The following LYPD8 variants were observed in gnomAD, a reference collection of about 807,000 sequenced individuals.
LYPD8 encodes LY6/PLAUR domain containing 8, also known as ly6/PLAUR domain-containing protein 8.
Under a neutral mutation model 1.7 loss-of-function variants are expected in LYPD8, and 8 were observed. The ratio of observed to expected loss-of-function variants is 4.58; its 90% CI spans 2.69 to 8.27. LYPD8 has a LOEUF of 8.27. Among genes scored for constraint, LYPD8 ranks in the 30% most tolerant of loss-of-function variants. The pLI is 0.00. For synonymous variants in LYPD8, 50 were observed against 43.6 expected, an observed-to-expected ratio of 1.15 and a Z score of -0.58; for missense variants, 112 against 102.3, an observed-to-expected ratio of 1.09 and a Z score of -0.41.
chr1:248,751,222 T>G (rs907334957), intron 2 of LYPD8, 92 bp from the exon 3 acceptor site: 2 of 395,932 alleles, frequency 5.1e-6, no homozygotes. Context: ...AGCCCAGTAC[T>G]CAGTCCATCC....
In LYPD8 at chr1:248,748,334, G is replaced by A. The variant is rs1228332869; in HGVS notation, c.292C>T (p.Gln98Ter). 6 of 467,604 alleles carry A rather than the reference G, an allele frequency of 1.3e-5. No homozygotes were observed. The highest frequency in any genetic ancestry group is 2.2e-5 in the Non-Finnish European group (6 of 268,090). The allele number at this position is 467,604 out of a possible 1,614,324, so 29.0% of individuals were successfully genotyped here. A position where few individuals can be genotyped will look rare whatever the true frequency, so the allele number is the denominator to read the frequency against. Residue 98 changes from glutamine (Q) to a stop codon, truncating the protein, a stop_gained, in exon 5 of 7, where the codon CAG becomes TAG. Coordinates refer to ENST00000590317, the MANE Select transcript of LYPD8 (RefSeq NM_001085474.2). LOFTEE classifies it high-confidence loss of function. ...CTGCATTCCTTTCCTTGGCAGCACT[G>A]GCTTACAAAATGAAAGTGTTCTTCA... ...SAEEHFHFVS[Q>*]CCQGKECSNT... is the part of the protein sequence containing the mutation.
At chr1:248,743,192 C>T (rs1433004043) in intron 6 of LYPD8, among the ~76,000 whole-genome samples, 2 of 152,144 alleles carry the variant, frequency 1.3e-5, no homozygotes, top group Non-Finnish European at 2.9e-5. Flanking sequence ...GGGCTGGGTG[C>T]TGTGGCTCAC....
At chr1:248,751,628 T>C (rs1026814719) in intron 2 of LYPD8, among the ~76,000 whole-genome samples, 1 of 152,164 alleles carries the variant, frequency 6.6e-6, no homozygotes, top group Non-Finnish European at 1.5e-5. Context: ...AGGTATTAAT[T>C]TATGTAATTC....
chr1:248,753,586 C>CAT (rs1662871590), intron 2 of LYPD8, among the ~76,000 whole-genome samples: 1 of 131,438 alleles, frequency 7.6e-6, no homozygotes, highest in Non-Finnish European at 1.6e-5. Context: ...CCACACAACA[C>CAT]ACACAACACA....
At chr1:248,743,833 A>G (rs1163943314) in intron 6 of LYPD8, among the ~76,000 whole-genome samples, 1 of 152,242 alleles carries the variant, frequency 6.6e-6, no homozygotes, top group Non-Finnish European at 1.5e-5. Flanking sequence ...GATACAGCAC[A>G]GAGCTGCCAA....
Position 248,748,996 on chromosome 1 carries a change from C to G in LYPD8, c.173-543G>C, listed in dbSNP as rs1048009516. 3.4e-3 allele frequency among the ~76,000 whole-genome samples: 512 copies of G among 152,336 alleles called. 7 individuals are homozygous for G. The highest frequency in any genetic ancestry group is 0.024 in the South Asian group (116 of 4,826). On this transcript the variant is annotated intron_variant, in intron 4 of 6. Coordinates refer to ENST00000590317, the MANE Select transcript of LYPD8 (RefSeq NM_001085474.2). Reference sequence around the variant, plus strand: ...TCAAGTGCTCAGTAGCCATATGTGACTACAGTATGGCACAGTGTTAATACA... The same window carrying G: ...TCAAGTGCTCAGTAGCCATATGTGAGTACAGTATGGCACAGTGTTAATACA...
chr1:248,754,956 C>T (rs1662898842), intron 2 of LYPD8, among the ~76,000 whole-genome samples: 1 of 151,520 alleles, frequency 6.6e-6, no homozygotes, highest in Admixed American at 6.6e-5. Flanking sequence ...TCAGGTCTTA[C>T]AGTGTGATGG....
Position 248,750,319 on chromosome 1 carries a change from C to T in LYPD8, c.172+205G>A, listed in dbSNP as rs1006513299. 1.5e-3 allele frequency among the ~76,000 whole-genome samples: 236 copies of T among 152,280 alleles called. 2 individuals carry two copies. Among genetic ancestry groups the T allele is most frequent in the African/African-American group, 4.9e-3 (205 of 41,552 alleles). ...CATCAGTCCCAAACACCACGAGGGG[C>T]TCCTGTGGCTTTGACCCTGTGATCT... On this transcript the variant is annotated intron_variant, in intron 4 of 6. Transcript: ENST00000590317.
chr1:248,746,678 G>C (rs1483139233), intron 5 of LYPD8, among the ~76,000 whole-genome samples: 84 of 10,334 alleles, frequency 8.1e-3, no homozygotes, highest in South Asian at 0.041. Flanking sequence ...CCAGGGCATC[G>C]CCCGCACGGC....
At chr1:248,740,243 G>A (rs1662565143) in intron 6 of LYPD8, among the ~76,000 whole-genome samples, 1 of 152,168 alleles carries the variant, frequency 6.6e-6, no homozygotes. Flanking sequence ...GTTCAGGAAG[G>A]GGCCAGCACC....
At position 248,739,545 on chromosome 1, in the gene LYPD8, G is replaced by A. The variant is rs887640919; in HGVS notation, c.*66C>T. 1.6e-5 allele frequency: 25 copies of A among 1,543,796 alleles called. No individual in the cohort carries two copies. The highest frequency in any genetic ancestry group is 2.0e-5 in the Admixed American group (1 of 50,756). ...AGCAGGGAAAGAGGGTGTCAGCACC[G>A]CAGGGGGTGCTCTGGACCTCAGAGA... On this transcript the variant is annotated 3_prime_UTR_variant, in exon 7 of 7. Coordinates refer to ENST00000590317, the MANE Select transcript of LYPD8 (RefSeq NM_001085474.2). The surrounding 1 kb of genome is among the most constrained non-coding windows in gnomAD (Gnocchi z 4.3).
At chr1:248,746,579 G>A (rs1662729820) in intron 5 of LYPD8, among the ~76,000 whole-genome samples, 9 of 150,244 alleles carry the variant, frequency 6.0e-5, no homozygotes. Flanking sequence ...ACCCACCCAG[G>A]GCATCGCCCG....
intron 6 of LYPD8, among the ~76,000 whole-genome samples, chr1:248,742,101 T>C (rs1469687200): frequency 6.6e-6 from 1 of 152,240 alleles, no homozygotes; most frequent in Non-Finnish European, 1.5e-5. Flanking sequence ...ATGTAAGCTA[T>C]CAACTTTGGG....
chr1:248,741,844 C>T (rs917462938), intron 6 of LYPD8, among the ~76,000 whole-genome samples: 1 of 152,084 alleles, frequency 6.6e-6, no homozygotes, highest in Non-Finnish European at 1.5e-5. Context: ...GGAAAGAAGC[C>T]GTTTTGAAAA....
Position 248,750,533 on chromosome 1 carries a change from A to G in LYPD8, c.163T>C (p.Ser55Pro). ...ACACACCCAGGCTCACCTAGAGAGG[A>G]GCTGGCTGAGGAGCTGATACAGCTG... Reference protein sequence around the residue: ...NTSCISSSASSSLETPVRLYQ... With the variant: ...NTSCISSSASPSLETPVRLYQ... Residue 55 changes from serine to proline, a missense_variant, in exon 4 of 7, where the codon TCC becomes CCC. Physicochemically the swap from Ser to Pro is moderately conservative, Grantham distance 74. Transcript: ENST00000590317. 2.5e-6 allele frequency: 1 copy of G among 398,626 alleles called. No homozygotes were observed. Among genetic ancestry groups the G allele is most frequent in the Non-Finnish European group, 4.4e-6 (1 of 226,094 alleles). 24.7% of individuals were successfully genotyped at this position (398,626 alleles called of 1,614,324 possible).
chr1:248,752,884 A>T (rs1662837803), intron 2 of LYPD8, among the ~76,000 whole-genome samples: 2 of 101,336 alleles, frequency 2.0e-5, no homozygotes, highest in East Asian at 3.8e-4. Context: ...ACCCCACACA[A>T]CACATACACA....
At chr1:248,746,383 A>C (rs1400827500) in intron 5 of LYPD8, among the ~76,000 whole-genome samples, 4 of 152,184 alleles carry the variant, frequency 2.6e-5, no homozygotes, top group Non-Finnish European at 5.9e-5. Context: ...GCATGGCGGA[A>C]GTGCTGGTTT....
Position 248,743,072 on chromosome 1 carries a change from C to T in LYPD8, c.475+2070G>A, listed in dbSNP as rs111429387. Among the ~76,000 whole-genome samples, 1,340 of 151,406 alleles carry T rather than the reference C, an allele frequency of 8.9e-3. 19 individuals are homozygous for T. Among genetic ancestry groups the T allele is most frequent in the South Asian group, 0.023 (109 of 4,792 alleles). On this transcript the variant is annotated intron_variant, in intron 6 of 6. Transcript: ENST00000590317. ...GATGTTGGCAGCGGGGGAGGTTATG[C>T]GTGTCAGGTAGATGAGAAATTTCTA...
intron 2 of LYPD8, among the ~76,000 whole-genome samples, chr1:248,753,788 CAT>C (rs1334541394): frequency 1.1e-3 from 163 of 149,900 alleles, no homozygotes; most frequent in African/African-American, 3.8e-3. Flanking sequence ...CCACACATCA[CAT>C]GTCATACACA....
Sources: gnomAD v4.1 joint callset for allele counts (sites outside exome capture counted in the v4.1 genomes callset) on GRCh38, gnomAD v4.1.1 for gene constraint, Gnocchi (gnomAD v3.1) non-coding constraint, MANE v1.5 for transcripts, NCBI Gene and HGNC (gene_info 2026-07-23, HGNC 2026-07-21) for gene names.